CXCL13: variants seen among roughly 807,000 people sequenced by gnomAD.
The protein encoded by CXCL13 is C-X-C motif chemokine 13.
In CXCL13, 7 loss-of-function variants were observed where a neutral mutation model predicts 12.2. The ratio of observed to expected loss-of-function variants is 0.57; its 90% confidence interval spans 0.33 to 1.07. The LOEUF is 1.07. Among genes scored for constraint, CXCL13 ranks in the 50% least tolerant of loss-of-function variants. The pLI is 0.04. For synonymous variants in CXCL13, 47 were observed against 42.4 expected, an observed-to-expected ratio of 1.11 and a Z score of -0.42; for missense variants, 113 against 127.4, an observed-to-expected ratio of 0.89 and a Z score of 0.55.
chr4:77,555,579 A>G (rs776670685), intron 1 of CXCL13, among the ~76,000 whole-genome samples: 1 of 152,146 alleles, frequency 6.6e-6, no homozygotes, highest in Non-Finnish European at 1.5e-5. Flanking sequence ...ACAACAAAAC[A>G]TAGGAAAATG....
intron 1 of CXCL13, among the ~76,000 whole-genome samples, chr4:77,575,235 A>C (rs922786211): frequency 6.6e-6 from 1 of 151,988 alleles, no homozygotes; most frequent in South Asian, 2.1e-4. Context: ...TTGGCAAAGT[A>C]AATAATTTAA....
At chr4:77,593,807 G>A (rs1726675221) in intron 1 of CXCL13, among the ~76,000 whole-genome samples, 1 of 152,148 alleles carries the variant, frequency 6.6e-6, no homozygotes, top group Non-Finnish European at 1.5e-5. Context: ...ATCACCAGTT[G>A]GGCAAAAAGC....
rs118111176 is a variant in CXCL13 at position 77,585,834 on chromosome 4, C to T, written c.-42-19990C>T. Among the ~76,000 whole-genome samples the T allele has an allele frequency of 1.2e-3, 177 of 152,206 alleles. 4 individuals carry two copies. The East Asian group carries it at 0.027, about 23-fold the overall frequency. On this transcript the variant is annotated intron_variant, in intron 1 of 4. Coordinates refer to the CXCL13 transcript ENST00000286758. The stretch of plus-strand genomic sequence containing the variant: ...ATCATCTTTCTGCTTCCATAGGGCA[C>T]GCGGCAGGCCTCATCATGAGGGATG...
In CXCL13 at chr4:77,610,998, T is replaced by C. The variant is rs1467287812; in HGVS notation, c.289T>C (p.Ser97Pro). The C allele has an allele frequency of 6.2e-7, 1 of 1,610,912 alleles. No individual in the cohort carries two copies. Among genetic ancestry groups the C allele is most frequent in the African/African-American group, 1.3e-5 (1 of 74,902 alleles). Residue 97 changes from serine to proline, a missense_variant, in exon 4 of 4, where the codon TCA (serine) becomes CCA (proline). By Grantham distance (74) the Ser-to-Pro change is moderately conservative (BLOSUM62 -1). Transcript: ENST00000682537. Reference sequence around the variant, plus strand: ...GTTTCTGCTTCACAGAAGAAGTTCTTCAACTCTACCAGTTCCAGTGTTTAA... The same window carrying C: ...GTTTCTGCTTCACAGAAGAAGTTCTCCAACTCTACCAGTTCCAGTGTTTAA... ...MMEVLRKRSS[S>P]TLPVPVFKRK...
intron 1 of CXCL13, among the ~76,000 whole-genome samples, chr4:77,580,304 C>CTTTTTTTT (rs1560531865): frequency 1.2e-4 from 1 of 8,008 alleles, no homozygotes; most frequent in Non-Finnish European, 2.9e-4. Flanking sequence ...GACAAGTTTT[C>CTTTTTTTT]TTTCTTTTTT....
At chr4:77,529,394 G>C (rs370047858) in intron 1 of CXCL13, among the ~76,000 whole-genome samples, 1 of 152,050 alleles carries the variant, frequency 6.6e-6, no homozygotes, top group South Asian at 2.1e-4. Context: ...CACAATATTG[G>C]TTCTTCCTAC....
chr4:77,561,877 G>A (rs907234625), intron 1 of CXCL13, among the ~76,000 whole-genome samples: 3 of 152,228 alleles, frequency 2.0e-5, no homozygotes, highest in Admixed American at 2.0e-4. Context: ...TGCTTGTGGG[G>A]TGATGTGGAG....
At chr4:77,543,153 G>C (rs531862929) in intron 1 of CXCL13, among the ~76,000 whole-genome samples, 215 of 152,136 alleles carry the variant, frequency 1.4e-3, no homozygotes, top group African/African-American at 4.9e-3. Context: ...TATGCATAGA[G>C]GTGTTCATAA....
At chr4:77,605,993 T>G in intron 1 of CXCL13, 64 bp downstream of exon 1, 1 of 1,194,472 alleles carries the variant, frequency 8.4e-7, no homozygotes, top group Non-Finnish European at 1.2e-6. Flanking sequence ...CACTTCAATT[T>G]TCTTTCGATT....
intron 1 of CXCL13, among the ~76,000 whole-genome samples, chr4:77,551,210 T>C (rs111693021): frequency 2.0e-5 from 3 of 152,336 alleles, no homozygotes; most frequent in African/African-American, 7.2e-5. Flanking sequence ...GGTTGGTTTA[T>C]AGGTTCTGTG....
upstream of CXCL13, chr4:77,605,791 T>C (rs1726988614): frequency 1.2e-6 from 1 of 869,070 alleles, no homozygotes; most frequent in Admixed American, 2.2e-5. Flanking sequence ...CTGGTATAAA[T>C]AAATAGGAGT....
intron 1 of CXCL13, among the ~76,000 whole-genome samples, chr4:77,555,422 G>T (rs1725636762): frequency 5.3e-5 from 8 of 151,982 alleles, no homozygotes; most frequent in Admixed American, 5.2e-4. Context: ...ATTAAAAGTA[G>T]AAAAGATTTT....
chr4:77,518,596 A>G (rs1186082212), intron 1 of CXCL13, among the ~76,000 whole-genome samples: 1 of 152,086 alleles, frequency 6.6e-6, no homozygotes. Flanking sequence ...TCAGCTCCTG[A>G]GGCTTCTGCA....
intron 1 of CXCL13, among the ~76,000 whole-genome samples, chr4:77,514,303 TC>T (rs1433460275): frequency 8.6e-5 from 13 of 151,020 alleles, no homozygotes; most frequent in Non-Finnish European, 1.8e-4. Flanking sequence ...TGATTTATAG[TC>T]CTTTGGGTAT....
intron 1 of CXCL13, among the ~76,000 whole-genome samples, chr4:77,532,310 T>A (rs975713411): frequency 1.3e-5 from 2 of 152,200 alleles, no homozygotes; most frequent in Admixed American, 1.3e-4. Context: ...TTATGAAGCT[T>A]AGTTTGGCTG....
intron 1 of CXCL13, among the ~76,000 whole-genome samples, chr4:77,571,102 C>G (rs1726067546): frequency 6.6e-6 from 1 of 152,020 alleles, no homozygotes; most frequent in Non-Finnish European, 1.5e-5. Context: ...GTGTGGGATC[C>G]ACTGGGTGAA....
chr4:77,534,575 T>G (rs1725013938), intron 1 of CXCL13, among the ~76,000 whole-genome samples: 1 of 152,336 alleles, frequency 6.6e-6, no homozygotes, highest in Non-Finnish European at 1.5e-5. Context: ...TTCTTAATAA[T>G]TGTCAGATCT....
At chr4:77,552,843 T>A (rs1365367954) in intron 1 of CXCL13, among the ~76,000 whole-genome samples, 1 of 152,216 alleles carries the variant, frequency 6.6e-6, no homozygotes. Flanking sequence ...AGGGTCCCAC[T>A]GCACCATAAT....
chr4:77,543,180 T>G (rs549995537), intron 1 of CXCL13, among the ~76,000 whole-genome samples: 3 of 152,262 alleles, frequency 2.0e-5, no homozygotes, highest in South Asian at 2.1e-4. Context: ...CTAAGGGCTT[T>G]TTGTATTTCT....
Sources: allele counts gnomAD v4.1 joint callset (sites outside exome capture counted in the v4.1 genomes callset), GRCh38; gene constraint gnomAD v4.1.1; transcripts MANE v1.5; gene names NCBI Gene and HGNC (gene_info 2026-07-23, HGNC 2026-07-21).